Variants in KCNIP4 observed in about 807,000 individuals in gnomAD.
KCNIP4 encodes the protein potassium voltage-gated channel interacting protein 4, also known as Kv channel-interacting protein 4.
Under a neutral mutation model 34.0 loss-of-function variants are expected in KCNIP4, and 12 were observed. The ratio of observed to expected loss-of-function variants is 0.35; its 90% CI spans 0.23 to 0.57. The LOEUF is 0.57. Among genes scored for constraint, KCNIP4 ranks in the 20% least tolerant of loss-of-function variants. The probability of loss-of-function intolerance (pLI) is 0.83; values close to 1 mark genes in which losing one functional copy is unlikely to be tolerated. For missense variants in KCNIP4, 238 were observed against 311.7 expected (o/e 0.76, Z 1.78); for synonymous variants, 124 against 102.2 (o/e 1.21, Z -1.29).
chr4:21,541,776 G>A (rs1737716243), intron 1 of KCNIP4, among the ~76,000 whole-genome samples: 1 of 151,912 alleles, frequency 6.6e-6, no homozygotes. Context: ...TGGGTAGCTA[G>A]GAACACAGGC....
chr4:21,719,691 G>A (rs1036436913), intron 1 of KCNIP4, among the ~76,000 whole-genome samples: 4 of 152,032 alleles, frequency 2.6e-5, no homozygotes, highest in African/African-American at 9.7e-5. Flanking sequence ...GGCCAGGCAT[G>A]GTGGCTCAAG....
intron 1 of KCNIP4, among the ~76,000 whole-genome samples, chr4:21,263,291 T>G (rs1279773557): frequency 6.6e-6 from 1 of 152,212 alleles, no homozygotes; most frequent in African/African-American, 2.4e-5. Context: ...ACCTTTGTTT[T>G]TCAGAAGAGA....
intron 1 of KCNIP4, among the ~76,000 whole-genome samples, chr4:21,907,980 G>A (rs535048752): frequency 6.6e-6 from 1 of 152,164 alleles, no homozygotes; most frequent in East Asian, 1.9e-4. Context: ...GGGACTTTAC[G>A]TCAACCATTT....
chr4:21,537,531 C>G (rs1466216306), intron 1 of KCNIP4, among the ~76,000 whole-genome samples: 1 of 151,786 alleles, frequency 6.6e-6, no homozygotes, highest in Non-Finnish European at 1.5e-5. Context: ...AGAAAAAATA[C>G]AAAAAAATAT....
chr4:20,901,643 A>G (rs1727165053), intron 1 of KCNIP4, among the ~76,000 whole-genome samples: 1 of 152,222 alleles, frequency 6.6e-6, no homozygotes, highest in African/African-American at 2.4e-5. Context: ...CATTGGTGAT[A>G]CATAGGTTAA....
At chr4:21,066,917 C>T (rs953403770) in intron 1 of KCNIP4, among the ~76,000 whole-genome samples, 2 of 152,020 alleles carry the variant, frequency 1.3e-5, no homozygotes, top group Non-Finnish European at 2.9e-5. Context: ...AGATACCAGC[C>T]GGGATGCATG....
intron 2 of KCNIP4, among the ~76,000 whole-genome samples, chr4:20,855,915 T>C (rs1347520374): frequency 1.3e-5 from 2 of 152,086 alleles, no homozygotes; most frequent in African/African-American, 4.8e-5. Flanking sequence ...ATAAAATTGA[T>C]GGGAAAGTAA....
At chr4:21,101,940 G>C (rs1035310495) in intron 1 of KCNIP4, among the ~76,000 whole-genome samples, 1 of 152,104 alleles carries the variant, frequency 6.6e-6, no homozygotes, top group Non-Finnish European at 1.5e-5. Flanking sequence ...GGGAGAAAAT[G>C]TATAGAAAGC....
intron 1 of KCNIP4, among the ~76,000 whole-genome samples, chr4:21,449,907 A>C (rs1728370416): frequency 1.3e-5 from 2 of 151,938 alleles, no homozygotes; most frequent in African/African-American, 4.8e-5. Flanking sequence ...ACCACTTTCC[A>C]TCTCTGTATA....
Position 21,273,662 on chromosome 4 carries a change from T to C in KCNIP4, c.62-390953A>G, listed in dbSNP as rs532173378. ...TATTTAATACAGTGTAATATCCTTA[T>C]CTCTCCAAATTGCAGAGCTTCTAAA... On this transcript the variant is annotated intron_variant, in intron 1 of 8. Coordinates refer to ENST00000382152, the MANE Select transcript of KCNIP4 (RefSeq NM_025221.6). Among the ~76,000 whole-genome samples, 805 of 152,292 alleles carry C rather than the reference T, an allele frequency of 5.3e-3. 3 individuals carry two copies. Among genetic ancestry groups the C allele is most frequent in the Non-Finnish European group, 8.6e-3 (588 of 68,018 alleles).
chr4:21,526,345 C>T (rs1735973743), intron 1 of KCNIP4, among the ~76,000 whole-genome samples: 1 of 152,088 alleles, frequency 6.6e-6, no homozygotes, highest in South Asian at 2.1e-4. Context: ...TGTCCCTTTG[C>T]TCTTCCTTCA....
At chr4:21,158,192 G>T (rs1344370686) in intron 1 of KCNIP4, among the ~76,000 whole-genome samples, 1 of 151,980 alleles carries the variant, frequency 6.6e-6, no homozygotes, top group Non-Finnish European at 1.5e-5. Context: ...AATGTTCTAG[G>T]CCCAGATGGT....
At chr4:20,983,531 GGA>G (rs1482289241) in intron 1 of KCNIP4, among the ~76,000 whole-genome samples, 2 of 152,024 alleles carry the variant, frequency 1.3e-5, no homozygotes, top group Admixed American at 6.6e-5. Flanking sequence ...TCACCCCATA[GGA>G]GAGAGTCCTA....
chr4:21,499,546 T>C (rs1243039946), intron 1 of KCNIP4, among the ~76,000 whole-genome samples: 3 of 151,384 alleles, frequency 2.0e-5, no homozygotes, highest in Non-Finnish European at 4.4e-5. Context: ...AGAAAAAAAC[T>C]GGAATAAAAT....
At chr4:21,931,425 C>A (rs1229632111) in intron 1 of KCNIP4, among the ~76,000 whole-genome samples, 5 of 108,910 alleles carry the variant, frequency 4.6e-5, no homozygotes, top group Admixed American at 1.1e-4. Context: ...CCCCTCCCCC[C>A]ACCCCACAAC....
intron 1 of KCNIP4, among the ~76,000 whole-genome samples, chr4:21,090,548 T>C (rs1285578206): frequency 6.6e-6 from 1 of 152,224 alleles, no homozygotes; most frequent in Admixed American, 6.5e-5. Flanking sequence ...CTAAAGGTAC[T>C]ACTTAAGAAA....
intron 1 of KCNIP4, among the ~76,000 whole-genome samples, chr4:21,423,771 T>C (rs1725697286): frequency 6.6e-6 from 1 of 152,104 alleles, no homozygotes; most frequent in Admixed American, 6.5e-5. Flanking sequence ...TGTTTCAATG[T>C]ACAGTATCCT....
intron 1 of KCNIP4, among the ~76,000 whole-genome samples, chr4:21,547,914 T>C (rs766959775): frequency 6.6e-6 from 1 of 152,138 alleles, no homozygotes; most frequent in African/African-American, 2.4e-5. Flanking sequence ...AAACAAAGTT[T>C]GTGTACACTG....
At chr4:21,460,782 A>C (rs1358319055) in intron 1 of KCNIP4, among the ~76,000 whole-genome samples, 1 of 152,152 alleles carries the variant, frequency 6.6e-6, no homozygotes, top group East Asian at 1.9e-4. Flanking sequence ...TCATGTATGC[A>C]TCTCCTGGGG....
Sources: gnomAD v4.1 joint callset for allele counts (sites outside exome capture counted in the v4.1 genomes callset) on GRCh38, gnomAD v4.1.1 for gene constraint, MANE v1.5 for transcripts, NCBI Gene and HGNC (gene_info 2026-07-23, HGNC 2026-07-21) for gene names.